DIAPH1: variants seen among roughly 807,000 people sequenced by gnomAD.
DIAPH1 encodes diaphanous related formin 1.
In DIAPH1, 46 loss-of-function variants were observed where a neutral mutation model predicts 140.7. That is an observed-to-expected ratio of 0.33 (90% confidence interval 0.26 to 0.42). The LOEUF is 0.42. Among genes scored for constraint, DIAPH1 ranks in the 10% least tolerant of loss-of-function variants. DIAPH1 has a pLI of 1.00. For missense variants in DIAPH1, 1,310 were observed against 1,558.7 expected, an observed-to-expected ratio of 0.84 and a Z score of 2.69; for synonymous variants, 565 against 551.6, an observed-to-expected ratio of 1.02 and a Z score of -0.34.
intron 3 of DIAPH1, among the ~76,000 whole-genome samples, chr5:141,586,834 T>C (rs1048720425): frequency 9.2e-5 from 14 of 152,244 alleles, no homozygotes; most frequent in African/African-American, 3.4e-4. Context: ...AGTGATCGGA[T>C]GTTTCCAAGC....
At chr5:141,534,508 GC>G (rs1341588769) in intron 18 of DIAPH1, 75 bp from the exon 19 acceptor site, 1 of 1,123,710 alleles carries the variant, frequency 8.9e-7, no homozygotes, top group East Asian at 2.3e-5. Flanking sequence ...CTACTGTCCA[GC>G]GTGAAATGGC....
Position 141,528,490 on chromosome 5 carries a change from A to T in DIAPH1, c.3111T>A (p.Phe1037Leu), listed in dbSNP as rs376328260. 7 of 1,614,234 alleles carry T rather than the reference A, an allele frequency of 4.3e-6. No individual in the cohort carries two copies. The highest frequency in any genetic ancestry group is 5.9e-6 in the Non-Finnish European group (7 of 1,180,048). The change falls in exon 23 of 28, where the codon TTT becomes TTA. Residue 1037 changes from phenylalanine to leucine, a missense_variant. Physicochemically the swap from Phe to Leu is conservative, Grantham distance 22. Around this residue, in one of 3 missense-constraint regions of DIAPH1, gnomAD observed 344 missense variants for 512.2 expected, o/e 0.67. Coordinates refer to ENST00000389054, the MANE Select transcript of DIAPH1 (RefSeq NM_005219.5). The part of the protein sequence containing the change: ...CENDYPDVLK[F>L]PDELAHVEKA... Reference sequence around the variant, plus strand: ...TCTCCACATGGGCAAGCTCGTCTGGAAACTTGAGGACATCGGGATAGTCAT... The same window carrying T: ...TCTCCACATGGGCAAGCTCGTCTGGTAACTTGAGGACATCGGGATAGTCAT...
chr5:141,553,433 A>C (rs1056830062), intron 18 of DIAPH1, among the ~76,000 whole-genome samples: 1 of 151,028 alleles, frequency 6.6e-6, no homozygotes, highest in Non-Finnish European at 1.5e-5. Context: ...TGAGGTCAGG[A>C]GTTCGAGACC....
At position 141,580,735 on chromosome 5, in the gene DIAPH1, G is replaced by C. The variant is rs1275960678; in HGVS notation, c.824+9C>G. ...AAAATGGAGAAGAAAAATTATTCCAGTCACATACATGTCCTCTGGCTGCGG... is the reference window on the plus strand; with the variant it reads ...AAAATGGAGAAGAAAAATTATTCCACTCACATACATGTCCTCTGGCTGCGG... On this transcript the variant is annotated intron_variant, in intron 8 of 27. Coordinates refer to ENST00000389054, the MANE Select transcript of DIAPH1 (RefSeq NM_005219.5). 6.2e-7 allele frequency: 1 copy of C among 1,613,546 alleles called. No individual in the cohort carries two copies. The highest frequency in any genetic ancestry group is 8.5e-7 in the Non-Finnish European group (1 of 1,179,936).
chr5:141,527,449 A>G (rs2099887538), intron 24 of DIAPH1, 124 bp downstream of exon 24: 1 of 1,072,552 alleles, frequency 9.3e-7, no homozygotes, highest in South Asian at 1.5e-5. Flanking sequence ...CTATGTATTT[A>G]AAGAAAAAGA....
intron 1 of DIAPH1, 180 bp downstream of exon 1, chr5:141,618,618 G>A: frequency 2.0e-6 from 1 of 498,984 alleles, no homozygotes; most frequent in African/African-American, 2.1e-5. Context: ...TGGGATTCCG[G>A]GGCTTCCCGA....
At chr5:141,564,769 G>A (rs2099894125) in intron 18 of DIAPH1, 1 of 151,950 alleles carries the variant, frequency 6.6e-6, no homozygotes, top group African/African-American at 2.4e-5. Flanking sequence ...CTTATTGCAA[G>A]GAAAAAAAGT....
At position 141,578,295 on chromosome 5, in the gene DIAPH1, A is replaced by G. The variant is rs750318437; in HGVS notation, c.1093T>C (p.Phe365Leu). The change falls in exon 11 of 28, where the codon TTT (phenylalanine) becomes CTT (leucine). Residue 365 changes from phenylalanine (F) to leucine (L), a missense_variant. Physicochemically the swap from Phe to Leu is conservative, Grantham distance 22. Coordinates refer to ENST00000389054, the MANE Select transcript of DIAPH1 (RefSeq NM_005219.5). ...GAATCCTCTTCCCCTTGTTCATCAA[A>G]CACATTTAGTTGCACTCTCATATCT... ...NEDMRVQLNV[F>L]DEQGEEDSYD... The G allele has an allele frequency of 5.9e-5, 95 of 1,614,034 alleles. No individual in the cohort carries two copies. Among genetic ancestry groups the G allele is most frequent in the Non-Finnish European group, 1.2e-5 (14 of 1,180,000 alleles).
chr5:141,608,753 T>A (rs2099901342), intron 1 of DIAPH1, among the ~76,000 whole-genome samples: 1 of 152,206 alleles, frequency 6.6e-6, no homozygotes, highest in Admixed American at 6.5e-5. Context: ...CTTCAGCAGT[T>A]CCCAGACTCA....
intron 1 of DIAPH1, among the ~76,000 whole-genome samples, chr5:141,604,205 T>C (rs1359142641): frequency 6.6e-6 from 1 of 152,222 alleles, no homozygotes; most frequent in Non-Finnish European, 1.5e-5. Context: ...TAGTCTGTCA[T>C]TTGGTGACAG....
intron 18 of DIAPH1, among the ~76,000 whole-genome samples, chr5:141,566,940 A>C (rs1192244205): frequency 8.2e-6 from 1 of 121,856 alleles, no homozygotes; most frequent in Non-Finnish European, 1.8e-5. Context: ...CCACATAAGC[A>C]AGCAAAAGGG....
At position 141,528,846 on chromosome 5, in the gene DIAPH1, C is replaced by A; in HGVS notation, c.2874G>T (p.Val958=). The change falls in exon 22 of 28, where the codon GTG becomes GTT. Residue 958 remains valine (V), a synonymous_variant. Coordinates refer to ENST00000389054, the MANE Select transcript of DIAPH1 (RefSeq NM_005219.5). ...ACTCCTCACATGCAGCAGTGACAGA[C>A]ACAATCTCTGGCTTGATATTCTCCA... ...EQVENIKPEI[V]SVTAACEELR... is the part of the protein sequence containing the mutation. 6.2e-7 allele frequency: 1 copy of A among 1,614,248 alleles called. No homozygotes were observed.
rs1370724505 is a variant in DIAPH1, at chr5:141,578,023, T to A, written c.1163+202A>T. The A allele has an allele frequency of 6.3e-6, 4 of 638,692 alleles. No individual in the cohort carries two copies. In the Admixed American group the frequency reaches 7.0e-5, roughly 11 times the overall value. The allele number at this position is 638,692 out of a possible 1,614,324, so 39.6% of individuals were successfully genotyped here. A position where few individuals can be genotyped will look rare whatever the true frequency, so the allele number is the denominator to read the frequency against. On this transcript the variant is annotated intron_variant, in intron 11 of 27. Transcript: ENST00000389054. Reference sequence around the variant, plus strand: ...GCTTCCATGCTCAACAACCCTCAGATCACCTTTACTGACTTCCCTGATCTA... The same window carrying A: ...GCTTCCATGCTCAACAACCCTCAGAACACCTTTACTGACTTCCCTGATCTA...
chr5:141,598,585 C>T (rs2154597022), intron 1 of DIAPH1, among the ~76,000 whole-genome samples: 1 of 152,208 alleles, frequency 6.6e-6, no homozygotes, highest in South Asian at 2.1e-4. Flanking sequence ...GAGAGTAATT[C>T]AAGTTCTGAT....
chr5:141,547,242 G>A (rs995329786), intron 18 of DIAPH1, among the ~76,000 whole-genome samples: 1 of 152,226 alleles, frequency 6.6e-6, no homozygotes, highest in African/African-American at 2.4e-5. Flanking sequence ...AAGGCGGGCG[G>A]ATCATGAGGT....
intron 18 of DIAPH1, among the ~76,000 whole-genome samples, chr5:141,554,145 T>C (rs1196064492): frequency 6.6e-6 from 1 of 151,884 alleles, no homozygotes; most frequent in East Asian, 1.9e-4. Context: ...GGCATGGTAG[T>C]GCATGCTTGT....
At chr5:141,560,143 A>T (rs908186847) in intron 18 of DIAPH1, among the ~76,000 whole-genome samples, 1 of 152,230 alleles carries the variant, frequency 6.6e-6, no homozygotes, top group Non-Finnish European at 1.5e-5. Flanking sequence ...TCAAGATCTA[A>T]ATAAGTTCCA....
intron 18 of DIAPH1, among the ~76,000 whole-genome samples, chr5:141,570,312 G>C (rs957038231): frequency 3.3e-5 from 5 of 152,144 alleles, no homozygotes; most frequent in Non-Finnish European, 5.9e-5. Context: ...TTGTCAACTA[G>C]TCTTTATTGA....
intron 3 of DIAPH1, 61 bp from the exon 4 acceptor site, chr5:141,584,286 G>A: frequency 1.1e-6 from 1 of 936,126 alleles, no homozygotes; most frequent in Non-Finnish European, 1.7e-6. Context: ...CAAATTTTTA[G>A]TGTTTAATAT....
Sources: allele counts gnomAD v4.1 joint callset (sites outside exome capture counted in the v4.1 genomes callset), GRCh38; gene constraint gnomAD v4.1.1; regional missense constraint gnomAD v4.1.1; transcripts MANE v1.5; gene names NCBI Gene and HGNC (gene_info 2026-07-23, HGNC 2026-07-21).